Variants in NR6A1 observed in about 807,000 individuals in gnomAD.
NR6A1 encodes the protein nuclear receptor subfamily 6 group A member 1.
NR6A1 carries 7 observed loss-of-function variants against 59.1 expected under a neutral mutation model. That is an observed-to-expected ratio of 0.12 (90% CI 0.07 to 0.22). The LOEUF (loss-of-function observed/expected upper bound fraction) is 0.22. Ranked by LOEUF, NR6A1 falls within the 10% of genes least tolerant of loss-of-function variation. The pLI is 1.00. For synonymous variants in NR6A1, 243 were observed against 236.1 expected, an observed-to-expected ratio of 1.03 and a Z score of -0.27; for missense variants, 468 against 611.6, an observed-to-expected ratio of 0.77 and a Z score of 2.48.
intron 2 of NR6A1, among the ~76,000 whole-genome samples, chr9:124,567,107 CA>C (rs796647682): frequency 1.2e-3 from 144 of 121,466 alleles, no homozygotes; most frequent in Middle Eastern, 4.1e-3. Flanking sequence ...GACTCCGTCT[CA>C]AAAAAAAAAA....
chr9:124,659,489 T>A (rs1465521256), intron 2 of NR6A1, among the ~76,000 whole-genome samples: 1 of 152,102 alleles, frequency 6.6e-6, no homozygotes. Context: ...TACCGGGAAC[T>A]GGAGTGGGCA....
chr9:124,731,248 T>C (rs964351036), intron 2 of NR6A1, among the ~76,000 whole-genome samples: 8 of 151,984 alleles, frequency 5.3e-5, no homozygotes, highest in Admixed American at 6.6e-5. Flanking sequence ...CGCACGCCTG[T>C]AGTCCCAGCT....
chr9:124,680,950 C>T (rs1838134139), intron 2 of NR6A1, among the ~76,000 whole-genome samples: 1 of 152,206 alleles, frequency 6.6e-6, no homozygotes, highest in Non-Finnish European at 1.5e-5. Context: ...CCAGTAGTCA[C>T]TGTATTTGTC....
chr9:124,690,720 C>CT (rs1432676492), intron 2 of NR6A1, among the ~76,000 whole-genome samples: 6 of 152,012 alleles, frequency 3.9e-5, no homozygotes, highest in Non-Finnish European at 7.4e-5. Context: ...TAACCCTTAA[C>CT]TTTTTTTAAC....
intron 2 of NR6A1, among the ~76,000 whole-genome samples, chr9:124,606,009 C>G (rs1835567605): frequency 6.6e-6 from 1 of 152,134 alleles, no homozygotes; most frequent in Non-Finnish European, 1.5e-5. Context: ...TCCATCCTGG[C>G]TGCTAAGACT....
At chr9:124,546,308 A>G (rs1833599200) in intron 3 of NR6A1, among the ~76,000 whole-genome samples, 1 of 152,228 alleles carries the variant, frequency 6.6e-6, no homozygotes, top group African/African-American at 2.4e-5. Context: ...GACAGAAACT[A>G]AAGAGCAGAA....
At chr9:124,654,796 T>C (rs1296990146) in intron 2 of NR6A1, among the ~76,000 whole-genome samples, 4 of 151,894 alleles carry the variant, frequency 2.6e-5, no homozygotes, top group Non-Finnish European at 5.9e-5. Context: ...CCCATTAGAA[T>C]GTAAGCTCCA....
chr9:124,596,993 T>C (rs1042271877), intron 2 of NR6A1, among the ~76,000 whole-genome samples: 1 of 152,238 alleles, frequency 6.6e-6, no homozygotes, highest in Non-Finnish European at 1.5e-5. Context: ...TTAAAGGCTA[T>C]GCACACTTTA....
chr9:124,679,846 A>G (rs751400609), intron 2 of NR6A1, among the ~76,000 whole-genome samples: 4 of 151,642 alleles, frequency 2.6e-5, no homozygotes, highest in Non-Finnish European at 4.4e-5. Context: ...GCAGTGAACC[A>G]AGCTCATACC....
intron 6 of NR6A1, among the ~76,000 whole-genome samples, chr9:124,537,157 T>A (rs921625820): frequency 2.1e-5 from 3 of 145,900 alleles, no homozygotes; most frequent in African/African-American, 7.7e-5. Context: ...CACCGCAACC[T>A]CAGCTCGCTG....
At chr9:124,645,652 T>C (rs988950053) in intron 2 of NR6A1, among the ~76,000 whole-genome samples, 2 of 152,148 alleles carry the variant, frequency 1.3e-5, no homozygotes, top group Non-Finnish European at 2.9e-5. Flanking sequence ...AAGCAAAACC[T>C]GATAGAACTA....
At chr9:124,654,162 C>T (rs1837181357) in intron 2 of NR6A1, among the ~76,000 whole-genome samples, 1 of 152,188 alleles carries the variant, frequency 6.6e-6, no homozygotes, top group South Asian at 2.1e-4. Flanking sequence ...AAGGTGGCCA[C>T]TGACATGTGA....
chr9:124,700,177 T>C (rs1838894721), intron 2 of NR6A1, among the ~76,000 whole-genome samples: 1 of 149,804 alleles, frequency 6.7e-6, no homozygotes, highest in Non-Finnish European at 1.5e-5. Flanking sequence ...GGAGAAATCA[T>C]ATAACATGTA....
chr9:124,628,556 A>ATGG (rs914244907), intron 2 of NR6A1, among the ~76,000 whole-genome samples: 9 of 150,908 alleles, frequency 6.0e-5, no homozygotes, highest in Admixed American at 1.3e-4. Flanking sequence ...GTTGACCAGG[A>ATGG]TGGTCTCAAT....
At chr9:124,578,170 G>C (rs1834659815) in intron 2 of NR6A1, among the ~76,000 whole-genome samples, 1 of 152,022 alleles carries the variant, frequency 6.6e-6, no homozygotes, top group Non-Finnish European at 1.5e-5. Flanking sequence ...TGTCTCCTGG[G>C]GTTAGTCCAT....
rs116514331 is a variant in NR6A1 at position 124,747,616 on chromosome 9, C to T, written c.101-14267G>A. On this transcript the variant is annotated intron_variant, in intron 1 of 9. Transcript: ENST00000487099. ...ATAGGCTCCATCAATTTCAACATGTCAAACTGAACCTATTATTTTCTCTTT... is the reference window on the plus strand; with the variant it reads ...ATAGGCTCCATCAATTTCAACATGTTAAACTGAACCTATTATTTTCTCTTT... Among the ~76,000 whole-genome samples, 265 of 152,232 alleles carry T rather than the reference C, an allele frequency of 1.7e-3. 2 individuals carry two copies. Among genetic ancestry groups the T allele is most frequent in the African/African-American group, 6.3e-3 (262 of 41,534 alleles).
At chr9:124,764,606 G>C (rs532638131) in intron 1 of NR6A1, among the ~76,000 whole-genome samples, 1 of 152,312 alleles carries the variant, frequency 6.6e-6, no homozygotes, top group East Asian at 1.9e-4. Context: ...TGAATCTTGA[G>C]TATATTTTTA....
chr9:124,542,467 CTT>C (rs996936298), intron 4 of NR6A1, among the ~76,000 whole-genome samples: 14 of 152,264 alleles, frequency 9.2e-5, no homozygotes, highest in South Asian at 2.1e-4. Context: ...GTAAATATCT[CTT>C]GAGTCTATTC....
At chr9:124,537,504 T>C (rs1020817097) in intron 6 of NR6A1, among the ~76,000 whole-genome samples, 5 of 152,290 alleles carry the variant, frequency 3.3e-5, no homozygotes, top group African/African-American at 1.2e-4. Flanking sequence ...CTGGGAGGTC[T>C]AAGCTTGATA....
Sources: allele counts gnomAD v4.1 joint callset (sites outside exome capture counted in the v4.1 genomes callset), GRCh38; gene constraint gnomAD v4.1.1; transcripts MANE v1.5; gene names NCBI Gene and HGNC (gene_info 2026-07-23, HGNC 2026-07-21).